The following KDM3A variants were observed in gnomAD, a reference collection of about 807,000 sequenced individuals.
The protein encoded by KDM3A is lysine demethylase 3A, also known as lysine-specific demethylase 3A.
KDM3A carries 60 observed loss-of-function variants against 158.0 expected under a neutral mutation model. The ratio of observed to expected loss-of-function variants is 0.38; its 90% CI spans 0.31 to 0.47. KDM3A has a LOEUF of 0.47. Ranked by LOEUF, KDM3A falls within the 20% of genes least tolerant of loss-of-function variation. KDM3A has a pLI of 0.99. For synonymous variants in KDM3A, 608 were observed against 549.3 expected, an observed-to-expected ratio of 1.11 and a Z score of -1.49; for missense variants, 1,319 against 1,574.3, an observed-to-expected ratio of 0.84 and a Z score of 2.74.
Position 86,464,322 on chromosome 2 carries a change from G to A in KDM3A, c.1007+106G>A, listed in dbSNP as rs373708093. The A allele has an allele frequency of 1.8e-5, 14 of 781,902 alleles. 1 individual carries two copies. In the South Asian group the frequency reaches 3.8e-4, roughly 21 times the overall value. 48.4% of individuals were successfully genotyped at this position (781,902 alleles called of 1,614,324 possible). On this transcript the variant is annotated intron_variant, in intron 9 of 25. Transcript: ENST00000312912. ...TTGTCCAGGGAGGTTTTTCGTTAGA[G>A]TTTCTGAGAAAAGATGGATAGATGC...
intron 14 of KDM3A, 69 bp downstream of exon 14, chr2:86,478,334 T>C: frequency 8.7e-7 from 1 of 1,149,342 alleles, no homozygotes; most frequent in Non-Finnish European, 1.3e-6. Context: ...GGTAGTTTTG[T>C]TTTCCTTTAT....
Position 86,480,189 on chromosome 2 carries a change from C to T in KDM3A, c.2339C>T (p.Pro780Leu), listed in dbSNP as rs761271573. 1.2e-4 allele frequency: 188 copies of T among 1,612,704 alleles called. 1 individual carries two copies. Among genetic ancestry groups the T allele is most frequent in the South Asian group, 7.9e-4 (72 of 91,018 alleles). ...CAGACTTCTTTAGCTGGAGAAAAAC[C>T]GACTCTTGGTGCAGTGCTCCAGCAG... ...LKQTSLAGEK[P>L]TLGAVLQQNP... The change falls in exon 16 of 26, where the codon CCG becomes CTG. Residue 780 changes from proline (P) to leucine (L), a missense_variant. By Grantham distance (98) the Pro-to-Leu change is moderately conservative. Around this residue, in one of 4 missense-constraint regions of KDM3A, gnomAD observed 368 missense variants for 415.8 expected, o/e 0.89. Transcript: ENST00000312912.
chr2:86,492,005 G>T, intron 25 of KDM3A, 34 bp from the exon 26 acceptor site: 1 of 1,397,348 alleles, frequency 7.2e-7, no homozygotes, highest in East Asian at 2.3e-5. Flanking sequence ...AGATTTAAAT[G>T]TAAAATGCCC....
chr2:86,465,388 T>A (rs531144063), intron 9 of KDM3A, among the ~76,000 whole-genome samples: 1 of 152,108 alleles, frequency 6.6e-6, no homozygotes, highest in Non-Finnish European at 1.5e-5. Flanking sequence ...GTTTGTTAGT[T>A]TTTTTTTAGT....
At chr2:86,460,845 T>G (rs1007010092) in intron 8 of KDM3A, 2 of 151,418 alleles carry the variant, frequency 1.3e-5, no homozygotes, top group Non-Finnish European at 2.9e-5. Flanking sequence ...AGAAGAAACT[T>G]TGACCCTTTG....
At chr2:86,481,437 G>C (rs1322141824) in intron 16 of KDM3A, among the ~76,000 whole-genome samples, 1 of 151,566 alleles carries the variant, frequency 6.6e-6, no homozygotes, top group Non-Finnish European at 1.5e-5. Context: ...ATTTTTAGTA[G>C]AAGTGGGGTT....
At chr2:86,447,283 G>A (rs900301054) in intron 2 of KDM3A, among the ~76,000 whole-genome samples, 3 of 148,640 alleles carry the variant, frequency 2.0e-5, no homozygotes, top group Admixed American at 1.3e-4. Flanking sequence ...TTTTAAGGAG[G>A]TAAACTTTTT....
intron 3 of KDM3A, 51 bp from the exon 4 acceptor site, chr2:86,451,052 A>G (rs766438413): frequency 1.6e-6 from 2 of 1,259,970 alleles, no homozygotes; most frequent in African/African-American, 1.5e-5. Flanking sequence ...TCCTATTTTC[A>G]GAATTATGCT....
At chr2:86,479,868 T>C in intron 15 of KDM3A, 1 of 301,670 alleles carries the variant, frequency 3.3e-6, no homozygotes. Flanking sequence ...AGGCACAAAC[T>C]GGTCATTTTA....
chr2:86,492,300 CTATT>C lies in KDM3A; in HGVS notation c.*184_*187del. 3 of 529,300 alleles carry C rather than the reference CTATT, an allele frequency of 5.7e-6. No homozygotes were observed. In the South Asian group the frequency reaches 8.5e-5, roughly 15 times the overall value. The allele number at this position is 529,300 out of a possible 1,614,324, so 32.8% of individuals were successfully genotyped here. A position where few individuals can be genotyped will look rare whatever the true frequency, so the allele number is the denominator to read the frequency against. ...GACAGTAAATGTGTATATGTAGTAA[CTATT>C]TACAGAACATGCATCCTTAAACTGT... On this transcript the variant is annotated 3_prime_UTR_variant, in exon 26 of 26. Transcript: ENST00000312912.
At chr2:86,438,998 A>G (rs1396743341), upstream of KDM3A, among the ~76,000 whole-genome samples, 1 of 151,908 alleles carries the variant, frequency 6.6e-6, no homozygotes, top group Non-Finnish European at 1.5e-5. Context: ...GAGTACACTT[A>G]GGTTATTTGC....
At chr2:86,445,545 C>T (rs1218131096) in intron 2 of KDM3A, among the ~76,000 whole-genome samples, 2 of 152,076 alleles carry the variant, frequency 1.3e-5, no homozygotes, top group South Asian at 4.1e-4. Flanking sequence ...TTCTTTGAAG[C>T]CTACCTGTTT....
chr2:86,450,750 T>C (rs1039072228), intron 3 of KDM3A, among the ~76,000 whole-genome samples: 5 of 152,184 alleles, frequency 3.3e-5, no homozygotes, highest in Non-Finnish European at 7.4e-5. Flanking sequence ...AGTTTTATTT[T>C]GCTCTTTGTA....
chr2:86,457,446 A>G (rs1408699837), intron 8 of KDM3A, among the ~76,000 whole-genome samples: 1 of 152,192 alleles, frequency 6.6e-6, no homozygotes, highest in Non-Finnish European at 1.5e-5. Context: ...GCTGCGTGGC[A>G]AATTTTTTTA....
chr2:86,447,013 C>T (rs1682983790), intron 2 of KDM3A, among the ~76,000 whole-genome samples: 1 of 152,110 alleles, frequency 6.6e-6, no homozygotes, highest in Admixed American at 6.5e-5. Flanking sequence ...AGTTTCCCCA[C>T]GTTGCCTTGG....
intron 4 of KDM3A, among the ~76,000 whole-genome samples, chr2:86,452,667 G>C (rs1160722340): frequency 1.3e-5 from 2 of 152,018 alleles, no homozygotes; most frequent in East Asian, 3.8e-4. Context: ...TACCTGACTT[G>C]TTTCTTTGGG....
chr2:86,464,831 A>G lies in KDM3A; in HGVS notation c.1007+615A>G, dbSNP rs372683323. On this transcript the variant is annotated intron_variant, in intron 9 of 25. Transcript: ENST00000312912. ...GTGGTGGTGGCCTGCGTAGGCAGGC[A>G]GTTGATACAGCCTTAAGATGTAGGT... Among the ~76,000 whole-genome samples, 8 of 152,356 alleles carry G rather than the reference A, an allele frequency of 5.3e-5. No homozygotes were observed. In the East Asian group the frequency reaches 1.5e-3, roughly 29 times the overall value.
chr2:86,441,358 G>A (rs2104611525), upstream of KDM3A: 1 of 152,458 alleles, frequency 6.6e-6, no homozygotes, highest in South Asian at 2.1e-4. Flanking sequence ...TGTCTTGTGA[G>A]AGCTCTTGAA....
upstream of KDM3A, among the ~76,000 whole-genome samples, chr2:86,437,579 A>T (rs1682511503): frequency 6.6e-6 from 1 of 152,084 alleles, no homozygotes; most frequent in African/African-American, 2.4e-5. Flanking sequence ...TCTCTTCATT[A>T]CTTATATATT....
Sources: gnomAD v4.1 joint callset for allele counts (sites outside exome capture counted in the v4.1 genomes callset) on GRCh38, gnomAD v4.1.1 for gene constraint, gnomAD v4.1.1 regional missense constraint, MANE v1.5 for transcripts, NCBI Gene and HGNC (gene_info 2026-07-23, HGNC 2026-07-21) for gene names.